The following OPCML variants were observed in gnomAD, a reference collection of about 807,000 sequenced individuals.
OPCML encodes opioid-binding protein/cell adhesion molecule.
A neutral mutation model predicts 37.8 loss-of-function variants in OPCML; 13 were observed. That is an observed-to-expected ratio of 0.34 (90% confidence interval 0.22 to 0.55). OPCML has a LOEUF of 0.55. Among genes scored for constraint, OPCML ranks in the 20% least tolerant of loss-of-function variants. OPCML has a pLI of 0.91. For synonymous variants in OPCML, 176 were observed against 168.8 expected (o/e 1.04, Z -0.33); for missense variants, 341 against 435.6 (o/e 0.78, Z 1.93).
intron 2 of OPCML, among the ~76,000 whole-genome samples, chr11:132,708,968 A>G (rs1248462033): frequency 6.6e-6 from 1 of 152,138 alleles, no homozygotes; most frequent in East Asian, 1.9e-4. Context: ...CAAGTTTTTT[A>G]TTTTTAGTCT....
intron 1 of OPCML, among the ~76,000 whole-genome samples, chr11:132,962,105 C>G (rs1946104865): frequency 6.6e-6 from 1 of 152,260 alleles, no homozygotes; most frequent in Admixed American, 6.5e-5. Flanking sequence ...AGGCCGTGCT[C>G]AGTGCATGTT....
At chr11:132,711,719 T>C (rs1944270137) in intron 2 of OPCML, among the ~76,000 whole-genome samples, 1 of 152,210 alleles carries the variant, frequency 6.6e-6, no homozygotes, top group African/African-American at 2.4e-5. Flanking sequence ...TACATGTGTG[T>C]GGTATACATA....
At chr11:133,250,598 T>C (rs2136432706) in intron 1 of OPCML, among the ~76,000 whole-genome samples, 1 of 152,024 alleles carries the variant, frequency 6.6e-6, no homozygotes, top group African/African-American at 2.4e-5. Context: ...AAAAATATTT[T>C]AGAAAATGCA....
At position 132,436,096 on chromosome 11, in the gene OPCML, G is replaced by A. The variant is rs1380968532; in HGVS notation, c.906C>T (p.Ile302=). Residue 302 remains isoleucine (I), a synonymous_variant, in exon 7 of 8, where the codon ATC becomes ATT. Transcript: ENST00000524381. ...TNKLGNTNAS[I]TLYGPGAVID... is the part of the protein sequence containing the mutation. ...GCTTCCAGCACTCACCATACAATGT[G>A]ATGCTGGCATTGGTGTTCCCAAGCT... 1.2e-6 allele frequency: 2 copies of A among 1,613,866 alleles called. No individual in the cohort carries two copies. Among genetic ancestry groups the A allele is most frequent in the Non-Finnish European group, 1.7e-6 (2 of 1,179,922 alleles).
At chr11:132,800,132 T>C (rs2136200407) in intron 2 of OPCML, among the ~76,000 whole-genome samples, 1 of 152,320 alleles carries the variant, frequency 6.6e-6, no homozygotes, top group African/African-American at 2.4e-5. Flanking sequence ...GAGCATAAGT[T>C]TTCACTTCTT....
At chr11:132,441,173 T>TTTTTTTTTTTTTTC (rs1565564938) in intron 4 of OPCML, among the ~76,000 whole-genome samples, 1 of 117,052 alleles carries the variant, frequency 8.5e-6, no homozygotes, top group Non-Finnish European at 1.8e-5. Flanking sequence ...TTGTTTTTTT[T>TTTTTTTTTTTTTTC]TTTTTTTTTT....
chr11:132,912,343 T>C (rs1944453858), intron 2 of OPCML, among the ~76,000 whole-genome samples: 1 of 152,208 alleles, frequency 6.6e-6, no homozygotes, highest in Non-Finnish European at 1.5e-5. Flanking sequence ...TTTGAAACTG[T>C]TATATTAGGA....
chr11:133,280,077 G>A (rs544033451), intron 1 of OPCML, among the ~76,000 whole-genome samples: 1 of 152,308 alleles, frequency 6.6e-6, no homozygotes, highest in African/African-American at 2.4e-5. Flanking sequence ...AGCATTGGGA[G>A]TGCAGAGTGA....
intron 1 of OPCML, among the ~76,000 whole-genome samples, chr11:133,385,827 G>C (rs867917567): frequency 6.6e-6 from 1 of 152,100 alleles, no homozygotes; most frequent in African/African-American, 2.4e-5. Context: ...AAATACTCAG[G>C]CTTCTAGAGA....
chr11:132,671,264 T>C (rs1354736814), intron 2 of OPCML, among the ~76,000 whole-genome samples: 1 of 152,104 alleles, frequency 6.6e-6, no homozygotes, highest in East Asian at 1.9e-4. Flanking sequence ...AAGCCAATCA[T>C]CTTTTCCAGA....
chr11:132,723,491 C>A (rs1460871538), intron 2 of OPCML, among the ~76,000 whole-genome samples: 1 of 151,946 alleles, frequency 6.6e-6, no homozygotes, highest in Non-Finnish European at 1.5e-5. Context: ...AATAGAAGAG[C>A]CAGTTATGAA....
intron 1 of OPCML, among the ~76,000 whole-genome samples, chr11:133,320,901 C>A (rs948205): frequency 0.31 from 46,561 of 152,032 alleles, 8,467 homozygotes; most frequent in East Asian, 0.66. Flanking sequence ...CGGCAGCACC[C>A]AGCTGGCTGA....
rs373568282 is a variant in OPCML at position 133,248,676 on chromosome 11, T to C, written c.61+283588A>G. ...AGGTGGTAGGTAAGTAGTCCTAAGATGGATGGAGAAGTTCACTGATGCTAA... is the reference window on the plus strand; with the variant it reads ...AGGTGGTAGGTAAGTAGTCCTAAGACGGATGGAGAAGTTCACTGATGCTAA... On this transcript the variant is annotated intron_variant, in intron 1 of 7. Coordinates refer to ENST00000524381, the MANE Select transcript of OPCML (RefSeq NM_001012393.5). Among the ~76,000 whole-genome samples, 23 of 152,222 alleles carry C rather than the reference T, an allele frequency of 1.5e-4. No homozygotes were observed. In the South Asian group the frequency reaches 4.8e-3, roughly 32 times the overall value.
At chr11:132,660,683 G>A (rs1565755167) in intron 2 of OPCML, among the ~76,000 whole-genome samples, 1 of 152,116 alleles carries the variant, frequency 6.6e-6, no homozygotes, top group Non-Finnish European at 1.5e-5. Context: ...AATTCTAAAT[G>A]GAGAATGCAC....
At chr11:133,360,711 T>G (rs2136716106) in intron 1 of OPCML, 1 of 152,348 alleles carries the variant, frequency 6.6e-6, no homozygotes, top group East Asian at 1.9e-4. Context: ...TTCTTTCTCG[T>G]TATTCATTGC....
At chr11:133,248,108 T>G (rs972688642) in intron 1 of OPCML, among the ~76,000 whole-genome samples, 29 of 152,202 alleles carry the variant, frequency 1.9e-4, no homozygotes, top group Admixed American at 1.6e-3. Flanking sequence ...AAATCATGAC[T>G]GTAGATCACT....
At chr11:133,025,816 C>T (rs1182351631) in intron 1 of OPCML, among the ~76,000 whole-genome samples, 1 of 149,174 alleles carries the variant, frequency 6.7e-6, no homozygotes, top group Non-Finnish European at 1.5e-5. Flanking sequence ...TCACTGCAAC[C>T]TCTGTCTCTT....
At chr11:132,958,361 G>A (rs1591847289) in intron 1 of OPCML, among the ~76,000 whole-genome samples, 1 of 152,368 alleles carries the variant, frequency 6.6e-6, no homozygotes, top group Non-Finnish European at 1.5e-5. Flanking sequence ...AGTTGATGAG[G>A]TTTAAGGAAA....
At chr11:132,445,223 A>C (rs1408219115) in intron 4 of OPCML, among the ~76,000 whole-genome samples, 1 of 152,240 alleles carries the variant, frequency 6.6e-6, no homozygotes, top group Non-Finnish European at 1.5e-5. Context: ...ACATTAATAA[A>C]GATCTCCATA....
Sources: gnomAD v4.1 joint callset for allele counts (sites outside exome capture counted in the v4.1 genomes callset) on GRCh38, gnomAD v4.1.1 for gene constraint, MANE v1.5 for transcripts, NCBI Gene and HGNC (gene_info 2026-07-23, HGNC 2026-07-21) for gene names.